The following KATNBL1 variants were observed in gnomAD, a reference collection of about 807,000 sequenced individuals.
KATNBL1 encodes the protein katanin regulatory subunit B1 like 1.
In KATNBL1, 28 loss-of-function variants were observed where a neutral mutation model predicts 44.7. The ratio of observed to expected loss-of-function variants is 0.63; its 90% CI spans 0.46 to 0.86. The LOEUF (loss-of-function observed/expected upper bound fraction) is 0.86. Among genes scored for constraint, KATNBL1 ranks in the 40% least tolerant of loss-of-function variants. KATNBL1 has a pLI of 0.00. For synonymous variants in KATNBL1, 78 were observed against 114.9 expected (o/e 0.68, Z 2.06); for missense variants, 272 against 350.7 (o/e 0.78, Z 1.79).
intron 1 of KATNBL1, among the ~76,000 whole-genome samples, chr15:34,184,075 G>A (rs1338464491): frequency 6.6e-6 from 1 of 152,084 alleles, no homozygotes; most frequent in African/African-American, 2.4e-5. Context: ...AGGCCGAGGC[G>A]GGTGGATTAC....
intron 2 of KATNBL1, among the ~76,000 whole-genome samples, chr15:34,157,614 A>C (rs982947650): frequency 3.9e-5 from 6 of 152,228 alleles, no homozygotes; most frequent in African/African-American, 1.4e-4. Context: ...AAATAGAGCA[A>C]CTTACACAAC....
At chr15:34,208,882 AGC>A (rs1355470080) in intron 1 of KATNBL1, 3 of 152,276 alleles carry the variant, frequency 2.0e-5, no homozygotes, top group Admixed American at 6.5e-5. Flanking sequence ...AAAAGCGTGG[AGC>A]CAGCCTGCTC....
intron 1 of KATNBL1, among the ~76,000 whole-genome samples, chr15:34,173,679 C>T (rs369770635): frequency 3.3e-5 from 5 of 152,076 alleles, no homozygotes; most frequent in African/African-American, 7.2e-5. Flanking sequence ...TGGTATACAT[C>T]GGAGCACATA....
At chr15:34,169,744 T>A (rs912706753) in intron 1 of KATNBL1, among the ~76,000 whole-genome samples, 1 of 152,176 alleles carries the variant, frequency 6.6e-6, no homozygotes, top group Non-Finnish European at 1.5e-5. Context: ...TCCACCACGA[T>A]CAAGTCGGCT....
chr15:34,199,870 G>A (rs1890132309), intron 1 of KATNBL1: 1 of 152,150 alleles, frequency 6.6e-6, no homozygotes, highest in East Asian at 1.9e-4. Context: ...TTTCCACGGT[G>A]TGGAAGATGA....
intron 1 of KATNBL1, among the ~76,000 whole-genome samples, chr15:34,187,590 T>C (rs952660218): frequency 2.0e-5 from 3 of 152,114 alleles, no homozygotes; most frequent in African/African-American, 7.2e-5. Context: ...CCACCTAACA[T>C]AAATCACAGC....
In KATNBL1 at chr15:34,183,710, T is replaced by C. The variant is rs546220438; in HGVS notation, c.-14-20020A>G. ...ACCAAATTCTTAAAACCTGAGAGAATATTTTGATGTTCAAAGTGATTTCAA... is the reference window on the plus strand; with the variant it reads ...ACCAAATTCTTAAAACCTGAGAGAACATTTTGATGTTCAAAGTGATTTCAA... On this transcript the variant is annotated intron_variant, in intron 1 of 9. Transcript: ENST00000256544. Among the ~76,000 whole-genome samples, 109 of 152,348 alleles carry C rather than the reference T, an allele frequency of 7.2e-4. 1 individual carries two copies. Among genetic ancestry groups the C allele is most frequent in the South Asian group, 3.3e-3 (16 of 4,826 alleles).
intron 2 of KATNBL1, chr15:34,154,935 T>G: frequency 2.2e-6 from 1 of 453,880 alleles, no homozygotes; most frequent in South Asian, 2.5e-5. Flanking sequence ...TCTAAACTAA[T>G]TCTGATAGGC....
At chr15:34,164,520 G>GA (rs10648450) in intron 1 of KATNBL1, among the ~76,000 whole-genome samples, 24,950 of 144,032 alleles carry the variant, frequency 0.17, 2,247 homozygotes, top group African/African-American at 0.25. Flanking sequence ...CTCTACCTTT[G>GA]AAAAAAAAAA....
At chr15:34,150,274 C>A (rs918570324) in intron 4 of KATNBL1, among the ~76,000 whole-genome samples, 1 of 152,182 alleles carries the variant, frequency 6.6e-6, no homozygotes, top group African/African-American at 2.4e-5. Flanking sequence ...TTTTAAAATG[C>A]ACAACTGAAA....
chr15:34,175,721 C>T (rs1889310241), intron 1 of KATNBL1, among the ~76,000 whole-genome samples: 1 of 152,164 alleles, frequency 6.6e-6, no homozygotes, highest in Admixed American at 6.5e-5. Context: ...ATCCCTCACG[C>T]ATTACTACGG....
At chr15:34,150,562 C>A (rs993613401) in intron 4 of KATNBL1, among the ~76,000 whole-genome samples, 52 of 152,222 alleles carry the variant, frequency 3.4e-4, no homozygotes, top group African/African-American at 1.3e-3. Context: ...CCACTGCACC[C>A]CAGCCTGGGT....
chr15:34,174,636 G>C (rs1174056261), intron 1 of KATNBL1, among the ~76,000 whole-genome samples: 1 of 151,764 alleles, frequency 6.6e-6, no homozygotes, highest in Non-Finnish European at 1.5e-5. Context: ...GTAAAAGGAA[G>C]GGGGGAAAAA....
intron 1 of KATNBL1, among the ~76,000 whole-genome samples, chr15:34,174,838 C>T (rs992256741): frequency 2.0e-5 from 3 of 151,966 alleles, no homozygotes; most frequent in East Asian, 1.9e-4. Flanking sequence ...GATGGGGTTT[C>T]GCCACGTTAG....
chr15:34,201,067 G>A (rs183395969), intron 1 of KATNBL1, among the ~76,000 whole-genome samples: 91 of 151,342 alleles, frequency 6.0e-4, no homozygotes, highest in Admixed American at 1.1e-3. Context: ...TGCCCTCCTC[G>A]GCCTCCCAAA....
chr15:34,149,759 C>T (rs568635060), intron 4 of KATNBL1, among the ~76,000 whole-genome samples: 2 of 152,322 alleles, frequency 1.3e-5, no homozygotes, highest in South Asian at 4.1e-4. Context: ...CATAGCCTGG[C>T]ATAGTGCTGT....
At chr15:34,183,670 A>T in intron 1 of KATNBL1, among the ~76,000 whole-genome samples, 1 of 152,254 alleles carries the variant, frequency 6.6e-6, no homozygotes, top group East Asian at 1.9e-4. Context: ...AGAAAGGGGA[A>T]TAAATAAGTT....
At chr15:34,174,740 C>T (rs112944608) in intron 1 of KATNBL1, among the ~76,000 whole-genome samples, 1,786 of 152,044 alleles carry the variant, frequency 0.012, 38 homozygotes, top group African/African-American at 0.041. Flanking sequence ...CTGCAACCTC[C>T]GCCTCTCGCA....
At chr15:34,204,631 A>G (rs1448691931) in intron 1 of KATNBL1, among the ~76,000 whole-genome samples, 2 of 152,210 alleles carry the variant, frequency 1.3e-5, no homozygotes, top group African/African-American at 2.4e-5. Context: ...CACTAAATGG[A>G]TAATTCACTC....
Sources: allele counts gnomAD v4.1 joint callset (sites outside exome capture counted in the v4.1 genomes callset), GRCh38; gene constraint gnomAD v4.1.1; transcripts MANE v1.5; gene names NCBI Gene and HGNC (gene_info 2026-07-23, HGNC 2026-07-21).